Variants in A1CF observed in about 807,000 individuals in gnomAD.
A1CF encodes APOBEC-1 stimulating protein.
A1CF carries 48 observed loss-of-function variants against 68.9 expected under a neutral mutation model. That is an observed-to-expected ratio of 0.70 (90% CI 0.55 to 0.89). A1CF has a LOEUF of 0.89. Among genes scored for constraint, A1CF ranks in the 40% least tolerant of loss-of-function variants. The pLI is 0.00. For missense variants in A1CF, 653 were observed against 718.9 expected (o/e 0.91, Z 1.05); for synonymous variants, 272 against 260.4 (o/e 1.04, Z -0.43).
intron 3 of A1CF, among the ~76,000 whole-genome samples, chr10:50,853,750 ATTT>A (rs11344383): frequency 2.4e-4 from 34 of 141,462 alleles, no homozygotes; most frequent in African/African-American, 7.7e-4. Context: ...GGAGTCAGCA[ATTT>A]TTTTTTTTTT....
In A1CF at chr10:50,800,703, A is replaced by G. The variant is rs1005938770; in HGVS notation, c.*6026T>C. On this transcript the variant is annotated 3_prime_UTR_variant, in exon 13 of 13. Transcript: ENST00000373997. ...TGTTTAATTTCCAATGTTAGTGAAG[A>G]GAATAGAGGGAGGGAAAAAGGGAAA... 3 of 152,180 alleles carry G rather than the reference A, an allele frequency of 2.0e-5. No individual in the cohort carries two copies. The highest frequency in any genetic ancestry group is 2.9e-5 in the Non-Finnish European group (2 of 68,036). 9.4% of individuals were successfully genotyped at this position (152,180 alleles called of 1,614,324 possible).
Position 50,806,758 on chromosome 10 carries a change from C to G in A1CF, c.1732G>C (p.Ala578Pro). 1 of 1,610,332 alleles carries G rather than the reference C, an allele frequency of 6.2e-7. No individual in the cohort carries two copies. The highest frequency in any genetic ancestry group is 1.1e-5 in the South Asian group (1 of 90,302). ...AAGGTGCCATATCCATCCCCTCGGG[C>G]AGTCACTGCAAAAGTTGGGTAGACC... Reference protein sequence around the residue: ...YEVYPTFAVTARGDGYGTF With the variant: ...YEVYPTFAVTPRGDGYGTF Residue 578 changes from alanine (A) to proline (P), a missense_variant, in exon 13 of 13, where the codon GCC (alanine) becomes CCC (proline). Physicochemically the swap from Ala to Pro is conservative, Grantham distance 27. Coordinates refer to ENST00000373997, the MANE Select transcript of A1CF (RefSeq NM_014576.4).
At chr10:50,864,784 A>G (rs990525821) in intron 1 of A1CF, among the ~76,000 whole-genome samples, 8 of 151,820 alleles carry the variant, frequency 5.3e-5, no homozygotes, top group Non-Finnish European at 1.0e-4. Context: ...ACGCCTGGCT[A>G]ATTTTGTATT....
intron 2 of A1CF, among the ~76,000 whole-genome samples, chr10:50,863,225 A>G (rs1168746545): frequency 2.6e-5 from 4 of 152,184 alleles, no homozygotes; most frequent in African/African-American, 7.2e-5. Flanking sequence ...ATTTTGCAAA[A>G]ACAACCCCCT....
chr10:50,808,932 T>C (rs1432692540), intron 12 of A1CF, among the ~76,000 whole-genome samples: 1 of 152,056 alleles, frequency 6.6e-6, no homozygotes, highest in Non-Finnish European at 1.5e-5. Flanking sequence ...CTTAGAGCTC[T>C]AATTTGGACT....
chr10:50,863,977 G>C (rs1024740697), intron 2 of A1CF, 56 bp downstream of exon 2: 4 of 152,060 alleles, frequency 2.6e-5, no homozygotes, highest in Non-Finnish European at 4.4e-5. Flanking sequence ...TATACCCTCA[G>C]AATATGTACA....
intron 3 of A1CF, among the ~76,000 whole-genome samples, chr10:50,845,613 G>A (rs1486693827): frequency 2.0e-5 from 3 of 152,128 alleles, no homozygotes; most frequent in Non-Finnish European, 4.4e-5. Context: ...TTTGCATTTT[G>A]CTCCTTTGAT....
At chr10:50,846,222 C>A (rs1839995290) in intron 3 of A1CF, among the ~76,000 whole-genome samples, 1 of 152,108 alleles carries the variant, frequency 6.6e-6, no homozygotes, top group African/African-American at 2.4e-5. Flanking sequence ...TACCTTCAAG[C>A]TATGTGTATA....
intron 8 of A1CF, among the ~76,000 whole-genome samples, chr10:50,818,516 A>C (rs943922336): frequency 6.6e-6 from 1 of 152,058 alleles, no homozygotes; most frequent in South Asian, 2.1e-4. Context: ...TAATTATTCC[A>C]ACGTAATTTT....
At chr10:50,835,536 A>G (rs1839446415) in intron 6 of A1CF, among the ~76,000 whole-genome samples, 1 of 152,184 alleles carries the variant, frequency 6.6e-6, no homozygotes, top group Admixed American at 6.5e-5. Context: ...TATTCACCAA[A>G]TGGGATCTAT....
chr10:50,814,180 G>A, intron 9 of A1CF, 142 bp from the exon 10 acceptor site: 1 of 819,458 alleles, frequency 1.2e-6, no homozygotes, highest in South Asian at 1.8e-5. Context: ...ATGGGTGGGA[G>A]ACTCTAGGAT....
rs1055025716 is a variant in A1CF, at chr10:50,805,167, A to G, written c.*1562T>C. The G allele has an allele frequency of 2.6e-5, 4 of 152,192 alleles. No individual in the cohort carries two copies. The highest frequency in any genetic ancestry group is 4.8e-5 in the African/African-American group (2 of 41,454). The allele number at this position is 152,192 out of a possible 1,614,324, so 9.4% of individuals were successfully genotyped here. On this transcript the variant is annotated 3_prime_UTR_variant, in exon 13 of 13. Transcript: ENST00000373997. ...TGATTAGAATCTGGCCTGCTTTTTG[A>G]TCACAGAATTCCATTAAGGAGTTGA... is the stretch of plus-strand genomic sequence containing the variant.
Position 50,836,081 on chromosome 10 carries a change from C to T in A1CF, c.597G>A (p.Leu199=). 1 of 1,605,960 alleles carries T rather than the reference C, an allele frequency of 6.2e-7. No homozygotes were observed. Among genetic ancestry groups the T allele is most frequent in the Non-Finnish European group, 8.5e-7 (1 of 1,175,800 alleles). The change falls in exon 6 of 13, where the codon CTG becomes CTA. Residue 199 remains leucine (L), a synonymous_variant. Coordinates refer to ENST00000373997, the MANE Select transcript of A1CF (RefSeq NM_014576.4). The part of the protein sequence containing the change: ...HRAAAMARRK[L]LPGRIQLWGH... ...GAGGAGGGGATTGCTAACCTGGTAG[C>T]AGTTTCCTCCTCGCCATGGCAGCTG...
At position 50,799,460 on chromosome 10, in the gene A1CF, T is replaced by C. The variant is rs1375916990; in HGVS notation, c.*7269A>G. 6.6e-6 allele frequency: 1 copy of C among 152,170 alleles called. No individual in the cohort carries two copies. Among genetic ancestry groups the C allele is most frequent in the Non-Finnish European group, 1.5e-5 (1 of 68,008 alleles). 9.4% of individuals were successfully genotyped at this position (152,170 alleles called of 1,614,324 possible). A position where few individuals can be genotyped will look rare whatever the true frequency, so the allele number is the denominator to read the frequency against. On this transcript the variant is annotated 3_prime_UTR_variant, in exon 13 of 13. Coordinates refer to ENST00000373997, the MANE Select transcript of A1CF (RefSeq NM_014576.4). ...GCACTTGAAAATTCAATTAAAACAATTGCATCATCCAGGAATTATACAATA... is the reference window on the plus strand; with the variant it reads ...GCACTTGAAAATTCAATTAAAACAACTGCATCATCCAGGAATTATACAATA...
chr10:50,879,446 A>G (rs1841672789), intron 1 of A1CF, among the ~76,000 whole-genome samples: 1 of 152,156 alleles, frequency 6.6e-6, no homozygotes, highest in Admixed American at 6.5e-5. Flanking sequence ...GTCTGTTCTC[A>G]TACTGCTACA....
chr10:50,877,819 G>C (rs148562549), intron 1 of A1CF, among the ~76,000 whole-genome samples: 2 of 152,168 alleles, frequency 1.3e-5, no homozygotes, highest in Admixed American at 6.5e-5. Flanking sequence ...GAGTGTCTCT[G>C]TCTTAGAAAA....
At chr10:50,827,656 A>G (rs1226351305) in intron 7 of A1CF, among the ~76,000 whole-genome samples, 2 of 152,254 alleles carry the variant, frequency 1.3e-5, no homozygotes, top group Non-Finnish European at 2.9e-5. Context: ...AGGGAAATTT[A>G]TAGCACTAAA....
chr10:50,833,642 C>G (rs1406939644), intron 6 of A1CF, among the ~76,000 whole-genome samples: 1 of 152,146 alleles, frequency 6.6e-6, no homozygotes, highest in East Asian at 1.9e-4. Context: ...TCAACAGTCT[C>G]CTTGTTCTTT....
chr10:50,861,521 G>A (rs1840744693), intron 2 of A1CF, among the ~76,000 whole-genome samples: 1 of 147,502 alleles, frequency 6.8e-6, no homozygotes, highest in African/African-American at 2.5e-5. Context: ...TATACTATTA[G>A]TAACAATAAC....
Sources: allele counts gnomAD v4.1 joint callset (sites outside exome capture counted in the v4.1 genomes callset), GRCh38; gene constraint gnomAD v4.1.1; transcripts MANE v1.5; gene names NCBI Gene and HGNC (gene_info 2026-07-23, HGNC 2026-07-21).